Variants in DYM observed in about 807,000 individuals in gnomAD.
The protein encoded by DYM is dymeclin.
DYM carries 78 observed loss-of-function variants against 93.1 expected under a neutral mutation model. The observed-to-expected ratio is 0.84, with a 90% CI of 0.70 to 1.01. The LOEUF (loss-of-function observed/expected upper bound fraction) is 1.01. DYM is among the 50% of genes least tolerant of loss of function. The probability of loss-of-function intolerance (pLI) is 0.00; values close to 1 mark genes in which losing one functional copy is unlikely to be tolerated. For synonymous variants in DYM, 321 were observed against 319.7 expected, an observed-to-expected ratio of 1.00 and a Z score of -0.04; for missense variants, 789 against 845.0, an observed-to-expected ratio of 0.93 and a Z score of 0.82.
chr18:49,286,393 C>A, intron 9 of DYM, 41 bp downstream of exon 9: 1 of 1,598,546 alleles, frequency 6.3e-7, no homozygotes, highest in Non-Finnish European at 8.6e-7. Flanking sequence ...AAGCAATACT[C>A]TCCCCATTAC....
chr18:49,363,343 T>C (rs1599687620), intron 5 of DYM, 110 bp from the exon 6 acceptor site: 1 of 783,216 alleles, frequency 1.3e-6, no homozygotes, highest in Non-Finnish European at 2.2e-6. Context: ...TATCATTATA[T>C]AAACTCAGAT....
intron 15 of DYM, among the ~76,000 whole-genome samples, chr18:49,147,955 A>G (rs1277588778): frequency 6.6e-6 from 1 of 152,238 alleles, no homozygotes; most frequent in African/African-American, 2.4e-5. Flanking sequence ...AATGTCCAAC[A>G]ATGATAGACC....
rs1225835654 is a variant in DYM at position 49,040,708 on chromosome 18, T to G, written c.*3347A>C. 3.9e-5 allele frequency among the ~76,000 whole-genome samples: 6 copies of G among 152,286 alleles called. No homozygotes were observed. In the South Asian group the frequency reaches 1.0e-3, roughly 26 times the overall value. On this transcript the variant is annotated 3_prime_UTR_variant, in exon 18 of 18. Coordinates refer to ENST00000675505, the MANE Select transcript of DYM (RefSeq NM_001353214.3). The stretch of plus-strand genomic sequence containing the variant: ...AATTAAGAGACCCAAAGGGTTGACC[T>G]TGCAGAGACTCCAGCCTATGAAGTA...
intron 8 of DYM, among the ~76,000 whole-genome samples, chr18:49,323,162 T>C (rs2146631170): frequency 6.6e-6 from 1 of 152,338 alleles, no homozygotes; most frequent in East Asian, 1.9e-4. Flanking sequence ...TTTTGGCCTG[T>C]TTTGTTTTGT....
In DYM at chr18:49,417,484, T is replaced by C. The variant is rs868845935; in HGVS notation, c.140+12771A>G. Among the ~76,000 whole-genome samples, 31 of 152,174 alleles carry C rather than the reference T, an allele frequency of 2.0e-4. 1 individual carries two copies. The highest frequency in any genetic ancestry group is 6.8e-3 in the Middle Eastern group (2 of 294). Reference sequence around the variant, plus strand: ...CTATTCACTGCTACATTATATGTAATAACAAAACACTGGAAGCAATCCAAA... The same window carrying C: ...CTATTCACTGCTACATTATATGTAACAACAAAACACTGGAAGCAATCCAAA... On this transcript the variant is annotated intron_variant, in intron 2 of 17. Coordinates refer to ENST00000675505, the MANE Select transcript of DYM (RefSeq NM_001353214.3).
chr18:49,169,471 A>G (rs1399460890), intron 14 of DYM, among the ~76,000 whole-genome samples: 2 of 152,230 alleles, frequency 1.3e-5, no homozygotes, highest in Non-Finnish European at 2.9e-5. Flanking sequence ...AGGATGGCTT[A>G]TCAACTGCCT....
chr18:49,292,253 A>C (rs2060158655), intron 8 of DYM, among the ~76,000 whole-genome samples: 1 of 151,752 alleles, frequency 6.6e-6, no homozygotes, highest in Non-Finnish European at 1.5e-5. Flanking sequence ...ATAAACTAAC[A>C]TTTTATTGGG....
Position 49,229,764 on chromosome 18 carries a change from G to A in DYM, c.1461-20049C>T, listed in dbSNP as rs74784186. Among the ~76,000 whole-genome samples, 3 of 152,146 alleles carry A rather than the reference G, an allele frequency of 2.0e-5. No homozygotes were observed. The East Asian group carries it at 5.8e-4, about 29-fold the overall frequency. ...TATGCCCAAGAAACTCTACTCCTAG[G>A]TATTTACCCAAGAGAAATGAAAATG... On this transcript the variant is annotated intron_variant, in intron 13 of 17. Coordinates refer to ENST00000675505, the MANE Select transcript of DYM (RefSeq NM_001353214.3).
At chr18:49,212,255 GA>G (rs1220001644) in intron 13 of DYM, among the ~76,000 whole-genome samples, 1 of 152,020 alleles carries the variant, frequency 6.6e-6, no homozygotes, top group Non-Finnish European at 1.5e-5. Context: ...ACTTGGAGGA[GA>G]AAAAAGGCAT....
chr18:49,276,554 T>C (rs182740666), intron 10 of DYM, among the ~76,000 whole-genome samples: 14 of 152,206 alleles, frequency 9.2e-5, no homozygotes, highest in African/African-American at 3.4e-4. Flanking sequence ...GGAGAAGTAT[T>C]CTAGAGAGAA....
chr18:49,321,061 TTTC>T, intron 8 of DYM: 1 of 246,302 alleles, frequency 4.1e-6, no homozygotes, highest in Non-Finnish European at 7.6e-6. Context: ...AATTTAACAG[TTTC>T]AAAGCAAATA....
intron 16 of DYM, among the ~76,000 whole-genome samples, chr18:49,117,996 C>CTTTTTTTTTTTTT (rs35936099): frequency 3.7e-5 from 2 of 53,468 alleles, no homozygotes; most frequent in African/African-American, 1.0e-4. Flanking sequence ...TGTGCCCAGC[C>CTTTTTTTTTTTTT]TTTTTTTTTT....
intron 15 of DYM, among the ~76,000 whole-genome samples, chr18:49,124,804 T>C (rs1821673453): frequency 6.6e-6 from 1 of 152,230 alleles, no homozygotes; most frequent in South Asian, 2.1e-4. Context: ...ACATTTTACA[T>C]GATATTGTAT....
chr18:49,162,286 G>T (rs1191919250), intron 15 of DYM, among the ~76,000 whole-genome samples: 1 of 152,082 alleles, frequency 6.6e-6, no homozygotes, highest in Non-Finnish European at 1.5e-5. Context: ...AATTTATAAA[G>T]AAAAAGGAAT....
intron 8 of DYM, among the ~76,000 whole-genome samples, chr18:49,313,362 T>C (rs1393972622): frequency 1.4e-5 from 2 of 144,202 alleles, no homozygotes; most frequent in African/African-American, 5.2e-5. Flanking sequence ...ACTCAGGAGG[T>C]TGAGGCAGAA....
At position 49,130,425 on chromosome 18, in the gene DYM, G is replaced by A. The variant is rs139334395; in HGVS notation, c.1729-11499C>T. Among the ~76,000 whole-genome samples, 455 of 152,288 alleles carry A rather than the reference G, an allele frequency of 3.0e-3. 2 individuals are homozygous for A. Among genetic ancestry groups the A allele is most frequent in the African/African-American group, 0.01 (421 of 41,552 alleles). On this transcript the variant is annotated intron_variant, in intron 15 of 17. Transcript: ENST00000675505. ...TTTAACCTCGGATTCGAATGTCCTA[G>A]CACAATGTCCGGCATTCAGTAGAAA...
intron 14 of DYM, among the ~76,000 whole-genome samples, chr18:49,184,256 G>A (rs79533727): frequency 0.16 from 24,709 of 150,600 alleles, 2,249 homozygotes; most frequent in Admixed American, 0.23. Flanking sequence ...TTTTTTTGGC[G>A]GGGGAAGGGA....
chr18:49,253,501 G>C (rs953596661), intron 13 of DYM, among the ~76,000 whole-genome samples: 2 of 152,130 alleles, frequency 1.3e-5, no homozygotes, highest in African/African-American at 2.4e-5. Context: ...AAACTCAAAA[G>C]TGTTTTCTAA....
chr18:49,242,109 G>C (rs1305825332), intron 13 of DYM, among the ~76,000 whole-genome samples: 1 of 152,168 alleles, frequency 6.6e-6, no homozygotes, highest in Non-Finnish European at 1.5e-5. Flanking sequence ...GAGAACTGCT[G>C]ATCTAATTTA....
Sources: allele counts gnomAD v4.1 joint callset (sites outside exome capture counted in the v4.1 genomes callset), GRCh38; gene constraint gnomAD v4.1.1; transcripts MANE v1.5; gene names NCBI Gene and HGNC (gene_info 2026-07-23, HGNC 2026-07-21).